CNTNAP2: variants seen among roughly 807,000 people sequenced by gnomAD.
CNTNAP2 encodes contactin associated protein 2.
A neutral mutation model predicts 155.2 loss-of-function variants in CNTNAP2; 98 were observed. That is an observed-to-expected ratio of 0.63 (90% confidence interval 0.54 to 0.75). CNTNAP2 has a LOEUF of 0.75. CNTNAP2 is among the 30% of genes least tolerant of loss of function. CNTNAP2 has a pLI of 0.00. For synonymous variants in CNTNAP2, 651 were observed against 631.2 expected (o/e 1.03, Z -0.47); for missense variants, 1,727 against 1,688.1 (o/e 1.02, Z -0.40).
intron 8 of CNTNAP2, among the ~76,000 whole-genome samples, chr7:147,220,629 T>A (rs1286970216): frequency 6.6e-6 from 1 of 152,230 alleles, no homozygotes; most frequent in Non-Finnish European, 1.5e-5. Context: ...TCTTCCAGTC[T>A]TTTTTCTGCC....
intron 1 of CNTNAP2, among the ~76,000 whole-genome samples, chr7:146,351,788 A>T (rs1392693791): frequency 6.6e-6 from 1 of 152,216 alleles, no homozygotes; most frequent in Non-Finnish European, 1.5e-5. Context: ...CTGTGACAAA[A>T]ATGAGGAAGA....
intron 1 of CNTNAP2, among the ~76,000 whole-genome samples, chr7:146,356,821 C>T (rs6973698): frequency 0.31 from 47,539 of 151,864 alleles, 7,726 homozygotes; most frequent in Admixed American, 0.44. Flanking sequence ...AACACACACA[C>T]GCACTTTCTT....
At chr7:146,842,492 C>T (rs1191454312) in intron 3 of CNTNAP2, among the ~76,000 whole-genome samples, 3 of 152,046 alleles carry the variant, frequency 2.0e-5, no homozygotes, top group Non-Finnish European at 4.4e-5. Context: ...TGTTCTTGCA[C>T]TGCTGTTAAG....
chr7:146,562,478 A>G (rs906952910), intron 1 of CNTNAP2, among the ~76,000 whole-genome samples: 1 of 152,136 alleles, frequency 6.6e-6, no homozygotes, highest in African/African-American at 2.4e-5. Flanking sequence ...ACTTAAATTG[A>G]GCAAGGAACA....
chr7:147,547,385 G>C (rs1015184084), intron 11 of CNTNAP2, among the ~76,000 whole-genome samples: 1 of 151,902 alleles, frequency 6.6e-6, no homozygotes, highest in Non-Finnish European at 1.5e-5. Flanking sequence ...CTAATGCTGC[G>C]GTTGCTTAAT....
intron 3 of CNTNAP2, among the ~76,000 whole-genome samples, chr7:146,930,591 A>G (rs941892545): frequency 6.6e-6 from 1 of 152,200 alleles, no homozygotes; most frequent in East Asian, 1.9e-4. Flanking sequence ...AACAATATTA[A>G]CTTTAAATGT....
chr7:148,383,269 GGCAGA>G (rs1243462151), intron 21 of CNTNAP2, among the ~76,000 whole-genome samples: 1 of 151,632 alleles, frequency 6.6e-6, no homozygotes, highest in Non-Finnish European at 1.5e-5. Flanking sequence ...TTGCCAGGAG[GGCAGA>G]GCAGGGCTGC....
At chr7:147,283,962 A>G (rs149822215) in intron 8 of CNTNAP2, among the ~76,000 whole-genome samples, 1 of 151,680 alleles carries the variant, frequency 6.6e-6, no homozygotes, top group South Asian at 2.1e-4. Flanking sequence ...ACTAAGATAC[A>G]ATATTCAAGT....
rs559681334 is a variant in CNTNAP2, at chr7:147,839,563, A to G, written c.2099-64002A>G. On this transcript the variant is annotated intron_variant, in intron 13 of 23. Transcript: ENST00000361727. ...TTTAGGTCAGGGTTTCTTATTTTTG[A>G]CATTTTTCACAGAATAATTCTTTGT... is the stretch of plus-strand genomic sequence containing the variant. Among the ~76,000 whole-genome samples, 4 of 152,192 alleles carry G rather than the reference A, an allele frequency of 2.6e-5. No individual in the cohort carries two copies. The South Asian group carries it at 8.3e-4, about 32-fold the overall frequency.
intron 1 of CNTNAP2, among the ~76,000 whole-genome samples, chr7:146,422,437 T>C (rs4725694): frequency 0.39 from 58,591 of 151,090 alleles, 12,969 homozygotes; most frequent in African/African-American, 0.6. Flanking sequence ...AAGTTACTTA[T>C]GCTATTTTGT....
intron 9 of CNTNAP2, among the ~76,000 whole-genome samples, 177 bp downstream of exon 9, chr7:147,300,467 C>G (rs886231751): frequency 6.6e-6 from 1 of 152,126 alleles, no homozygotes; most frequent in Non-Finnish European, 1.5e-5. Context: ...TTATTTCTTT[C>G]TGATGAAGAT....
intron 1 of CNTNAP2, among the ~76,000 whole-genome samples, chr7:146,122,542 A>T (rs1441068342): frequency 6.6e-6 from 1 of 152,234 alleles, no homozygotes; most frequent in Non-Finnish European, 1.5e-5. Context: ...CTAAATGAAC[A>T]TGAAATAATT....
In CNTNAP2 at chr7:146,578,325, G is replaced by A. The variant is rs184586379; in HGVS notation, c.98-195946G>A. Among the ~76,000 whole-genome samples the A allele has an allele frequency of 2.6e-5, 4 of 152,120 alleles. No individual in the cohort carries two copies. The East Asian group carries it at 5.8e-4, about 22-fold the overall frequency. ...GAGTCTGTATTCAATTTTGCTCAGA[G>A]AACATTTGAAGCACTCAATATTTAA... On this transcript the variant is annotated intron_variant, in intron 1 of 23. Coordinates refer to ENST00000361727, the MANE Select transcript of CNTNAP2 (RefSeq NM_014141.6).
chr7:146,810,628 T>C (rs1025662199), intron 2 of CNTNAP2, among the ~76,000 whole-genome samples: 1 of 111,646 alleles, frequency 9.0e-6, no homozygotes, highest in African/African-American at 1.6e-4. Context: ...TTCTATCTGT[T>C]TTTTTTTTAA....
chr7:146,674,637 G>A (rs1045880298), intron 1 of CNTNAP2, among the ~76,000 whole-genome samples: 5 of 152,222 alleles, frequency 3.3e-5, no homozygotes, highest in Non-Finnish European at 7.4e-5. Flanking sequence ...AGGAACAGGG[G>A]CAGCTCACAT....
intron 8 of CNTNAP2, among the ~76,000 whole-genome samples, chr7:147,225,905 A>AGG (rs397839309): frequency 3.2e-5 from 4 of 126,742 alleles, no homozygotes; most frequent in Middle Eastern, 4.1e-3. Context: ...GAAGGAAGGA[A>AGG]AGAAGGAAGG....
intron 3 of CNTNAP2, among the ~76,000 whole-genome samples, chr7:146,875,723 C>G (rs111614758): frequency 6.6e-6 from 1 of 151,676 alleles, no homozygotes; most frequent in African/African-American, 2.4e-5. Flanking sequence ...AACCCAGGTC[C>G]TTTATGACCT....
intron 1 of CNTNAP2, among the ~76,000 whole-genome samples, chr7:146,381,333 G>A (rs1214703523): frequency 6.6e-6 from 1 of 152,120 alleles, no homozygotes; most frequent in East Asian, 1.9e-4. Context: ...AATTGCCATA[G>A]TAGAGTTACA....
At chr7:148,373,086 C>T (rs1347870842) in intron 21 of CNTNAP2, among the ~76,000 whole-genome samples, 1 of 152,160 alleles carries the variant, frequency 6.6e-6, no homozygotes, top group East Asian at 1.9e-4. Flanking sequence ...CCTGTGATAA[C>T]AATGCCTTCT....
Sources: gnomAD v4.1 joint callset for allele counts (sites outside exome capture counted in the v4.1 genomes callset) on GRCh38, gnomAD v4.1.1 for gene constraint, MANE v1.5 for transcripts, NCBI Gene and HGNC (gene_info 2026-07-23, HGNC 2026-07-21) for gene names.